Variants in FARS2 observed in about 807,000 individuals in gnomAD.
The protein encoded by FARS2 is phenylalanine--tRNA ligase, mitochondrial.
A neutral mutation model predicts 46.4 loss-of-function variants in FARS2; 40 were observed. That is an observed-to-expected ratio of 0.86 (90% CI 0.67 to 1.12). The LOEUF is 1.12. FARS2 is among the 50% of genes most tolerant of loss of function. FARS2 has a pLI of 0.00. For synonymous variants in FARS2, 234 were observed against 214.9 expected, an observed-to-expected ratio of 1.09 and a Z score of -0.78; for missense variants, 513 against 567.9, an observed-to-expected ratio of 0.90 and a Z score of 0.98.
chr6:5,756,025 A>G (rs1762185493), intron 6 of FARS2, among the ~76,000 whole-genome samples: 1 of 152,160 alleles, frequency 6.6e-6, no homozygotes, highest in Non-Finnish European at 1.5e-5. Context: ...TGTTTTCCCT[A>G]GTCTGCTGTT....
At chr6:5,304,202 A>G (rs796963777) in intron 1 of FARS2, among the ~76,000 whole-genome samples, 8 of 152,340 alleles carry the variant, frequency 5.3e-5, no homozygotes, top group African/African-American at 1.4e-4. Flanking sequence ...TTTTTAAACA[A>G]TTGTTCAGTG....
At position 5,324,933 on chromosome 6, in the gene FARS2, T is replaced by C. The variant is rs563893494; in HGVS notation, c.-21-43617T>C. 1.6e-3 allele frequency among the ~76,000 whole-genome samples: 248 copies of C among 152,150 alleles called. 2 individuals are homozygous for C. The highest frequency in any genetic ancestry group is 5.6e-3 in the African/African-American group (231 of 41,520). ...GAGCATCATGTTGAGAGACATGCCA[T>C]CCCTGCCGCAGGAAAGAGTTTTTAG... On this transcript the variant is annotated intron_variant, in intron 1 of 6. Transcript: ENST00000274680.
intron 6 of FARS2, among the ~76,000 whole-genome samples, chr6:5,673,728 CA>C (rs967502739): frequency 6.6e-6 from 1 of 152,126 alleles, no homozygotes; most frequent in African/African-American, 2.4e-5. Context: ...TAGAGCTTCC[CA>C]AACAGGGTGC....
intron 6 of FARS2, among the ~76,000 whole-genome samples, chr6:5,618,377 T>C (rs1197080553): frequency 2.0e-5 from 3 of 152,208 alleles, no homozygotes; most frequent in African/African-American, 7.2e-5. Context: ...AGATTTATTT[T>C]ATTCCATAAA....
chr6:5,683,784 C>T (rs968246082), intron 6 of FARS2, among the ~76,000 whole-genome samples: 2 of 152,054 alleles, frequency 1.3e-5, no homozygotes, highest in Admixed American at 6.5e-5. Context: ...CTCTACCTCT[C>T]GACAGGCCCC....
At chr6:5,396,506 A>T (rs1043493787) in intron 2 of FARS2, among the ~76,000 whole-genome samples, 10 of 152,202 alleles carry the variant, frequency 6.6e-5, no homozygotes, top group African/African-American at 2.2e-4. Flanking sequence ...GGAGATTTAT[A>T]ATTTGATTCT....
chr6:5,593,116 C>T (rs1311070416), intron 5 of FARS2, among the ~76,000 whole-genome samples: 5 of 152,296 alleles, frequency 3.3e-5, no homozygotes, highest in African/African-American at 1.2e-4. Flanking sequence ...TGAGCAATGC[C>T]GTGCTTCTGG....
chr6:5,420,782 C>T (rs1762502297), intron 3 of FARS2, among the ~76,000 whole-genome samples: 1 of 152,082 alleles, frequency 6.6e-6, no homozygotes. Flanking sequence ...CTGTTGACTT[C>T]CTTCTGGCAC....
intron 1 of FARS2, among the ~76,000 whole-genome samples, chr6:5,267,647 G>A (rs1283305553): frequency 2.0e-5 from 3 of 151,704 alleles, no homozygotes; most frequent in Admixed American, 6.6e-5. Context: ...CCAGCTACTC[G>A]AGAGGCTGAG....
At chr6:5,475,462 A>G (rs138644749) in intron 4 of FARS2, among the ~76,000 whole-genome samples, 2 of 152,298 alleles carry the variant, frequency 1.3e-5, no homozygotes, top group African/African-American at 4.8e-5. Flanking sequence ...GAGGGATAAT[A>G]AAAGAGGACA....
At chr6:5,736,042 C>T (rs1760923456) in intron 6 of FARS2, among the ~76,000 whole-genome samples, 1 of 152,220 alleles carries the variant, frequency 6.6e-6, no homozygotes, top group African/African-American at 2.4e-5. Context: ...CTGTCGATTT[C>T]TCACGGGGTT....
At chr6:5,273,683 C>T (rs1449834288) in intron 1 of FARS2, among the ~76,000 whole-genome samples, 5 of 152,062 alleles carry the variant, frequency 3.3e-5, no homozygotes, top group African/African-American at 9.7e-5. Context: ...TTGATGTAAT[C>T]TAATTTTTCT....
At chr6:5,769,021 T>A (rs1762889426) in intron 6 of FARS2, among the ~76,000 whole-genome samples, 1 of 152,256 alleles carries the variant, frequency 6.6e-6, no homozygotes, top group Admixed American at 6.5e-5. Flanking sequence ...TTTTCACCTG[T>A]GCTTTTGGTG....
intron 5 of FARS2, among the ~76,000 whole-genome samples, chr6:5,547,154 G>A (rs1323652821): frequency 6.6e-6 from 1 of 151,978 alleles, no homozygotes; most frequent in Non-Finnish European, 1.5e-5. Flanking sequence ...GTTTCACCAT[G>A]TTGGCCAGGC....
At chr6:5,472,247 T>C (rs997613211) in intron 4 of FARS2, among the ~76,000 whole-genome samples, 2 of 152,170 alleles carry the variant, frequency 1.3e-5, no homozygotes, top group Non-Finnish European at 2.9e-5. Flanking sequence ...CTGGGATTTG[T>C]CTGCAGCATA....
At chr6:5,341,589 G>A (rs1417554095) in intron 1 of FARS2, among the ~76,000 whole-genome samples, 1 of 151,634 alleles carries the variant, frequency 6.6e-6, no homozygotes, top group Admixed American at 6.6e-5. Flanking sequence ...CGTGATCTTG[G>A]CTCACTACAA....
At chr6:5,505,989 A>G (rs1187955859) in intron 4 of FARS2, among the ~76,000 whole-genome samples, 1 of 152,218 alleles carries the variant, frequency 6.6e-6, no homozygotes, top group Non-Finnish European at 1.5e-5. Context: ...AGACATTGAA[A>G]CAGGTGAAGG....
chr6:5,484,405 A>C (rs147208035), intron 4 of FARS2, among the ~76,000 whole-genome samples: 33 of 152,362 alleles, frequency 2.2e-4, no homozygotes, highest in African/African-American at 7.2e-4. Flanking sequence ...TAGAGCTTGC[A>C]GTGATGATGG....
At chr6:5,602,509 T>TGGTGG (rs1277368999) in intron 5 of FARS2, among the ~76,000 whole-genome samples, 1 of 151,732 alleles carries the variant, frequency 6.6e-6, no homozygotes, top group Non-Finnish European at 1.5e-5. Context: ...TAGCTGGGCG[T>TGGTGG]GGTGGTGGCC....
Sources: allele counts gnomAD v4.1 joint callset (sites outside exome capture counted in the v4.1 genomes callset), GRCh38; gene constraint gnomAD v4.1.1; transcripts MANE v1.5; gene names NCBI Gene and HGNC (gene_info 2026-07-23, HGNC 2026-07-21).